Variants in GBP3 observed in about 807,000 individuals in gnomAD.
GBP3 encodes guanylate binding protein 3, also known as guanylate-binding protein 3.
A neutral mutation model predicts 62.4 loss-of-function variants in GBP3; 55 were observed. The ratio of observed to expected loss-of-function variants is 0.88; its 90% CI spans 0.71 to 1.10. GBP3 has a LOEUF of 1.10. Ranked by LOEUF, GBP3 falls within the 50% of genes least tolerant of loss-of-function variation. The pLI, the probability that GBP3 is intolerant of heterozygous loss-of-function variation, is 0.00. For missense variants in GBP3, 605 were observed against 690.6 expected, an observed-to-expected ratio of 0.88 and a Z score of 1.39; for synonymous variants, 208 against 259.2, an observed-to-expected ratio of 0.80 and a Z score of 1.90.
chr1:89,013,852 G>C (rs1159950129), intron 5 of GBP3: 1 of 507,976 alleles, frequency 2.0e-6, no homozygotes, highest in Admixed American at 3.7e-5. Context: ...GAACACAGGA[G>C]AATATAATTT....
rs370637517 is a variant in GBP3, at chr1:89,010,706, C to T, written c.1362+198G>A. Among the ~76,000 whole-genome samples, 186 of 139,070 alleles carry T rather than the reference C, an allele frequency of 1.3e-3. 39 individuals are homozygous for T. The highest frequency in any genetic ancestry group is 0.011 in the Middle Eastern group (3 of 264). The allele number at this position is 139,070 out of a possible 152,430, so 91.2% of individuals were successfully genotyped here. On this transcript the variant is annotated intron_variant, in intron 8 of 10. Transcript: ENST00000370481. ...GATTACAGGCTTGAGCCACCGCACC[C>T]GCCGACTGCACTCTCTTTGATGAGC...
At chr1:89,016,412 G>A (rs937408525) in intron 2 of GBP3, among the ~76,000 whole-genome samples, 4 of 151,964 alleles carry the variant, frequency 2.6e-5, no homozygotes, top group Non-Finnish European at 2.9e-5. Flanking sequence ...CCAGCTACTC[G>A]GGTGGCTGAG....
In GBP3 at chr1:89,014,322, C is replaced by T. The variant is rs751550337; in HGVS notation, c.429-43G>A. The T allele has an allele frequency of 3.1e-6, 5 of 1,613,618 alleles. No individual in the cohort carries two copies. In the Admixed American group the frequency reaches 8.3e-5, roughly 27 times the overall value. On this transcript the variant is annotated intron_variant, in intron 4 of 10. Transcript: ENST00000370481. ...GAAATGTGACAAAATGAACAGGAACCTCATCCCATATTAGTTCAACACATT... is the reference window on the plus strand; with the variant it reads ...GAAATGTGACAAAATGAACAGGAACTTCATCCCATATTAGTTCAACACATT...
At chr1:89,014,048 G>C in intron 5 of GBP3, 35 bp downstream of exon 5, 2 of 1,593,632 alleles carry the variant, frequency 1.3e-6, no homozygotes, top group Non-Finnish European at 1.7e-6. Context: ...CTAGTGTTTT[G>C]TCGTCCTCAT....
chr1:89,015,566 A>G, intron 2 of GBP3, 152 bp from the exon 3 acceptor site: 1 of 559,278 alleles, frequency 1.8e-6, no homozygotes, highest in Non-Finnish European at 2.9e-6. Context: ...AAATAGAAAA[A>G]TTTGAATATC....
intron 2 of GBP3, among the ~76,000 whole-genome samples, chr1:89,018,063 A>C (rs1678982974): frequency 6.6e-6 from 1 of 150,908 alleles, no homozygotes; most frequent in African/African-American, 2.5e-5. Context: ...TGGGTGACAG[A>C]GTGAGACTGT....
In GBP3 at chr1:89,010,970, A is replaced by G; in HGVS notation, c.1296T>C (p.Cys432=). Residue 432 remains cysteine (C), a synonymous_variant, in exon 8 of 11, where the codon TGT becomes TGC. Transcript: ENST00000370481. ...AGIYSKPGGY[C]LFIQKLQDLE... ...GGTCTTGTAGCTTCTGAATAAAGAG[A>G]CAATAGCCCCCTGGTTTCGAATAAA... The G allele has an allele frequency of 1.4e-6, 2 of 1,461,564 alleles. 1 individual carries two copies. The highest frequency in any genetic ancestry group is 2.7e-5 in the African/African-American group (2 of 73,762). The allele number at this position is 1,461,564 out of a possible 1,614,324, so 90.5% of individuals were successfully genotyped here.
chr1:89,016,673 C>G (rs867845837), intron 2 of GBP3, among the ~76,000 whole-genome samples: 1 of 152,092 alleles, frequency 6.6e-6, no homozygotes, highest in Non-Finnish European at 1.5e-5. Flanking sequence ...CTCCCAGGCT[C>G]AAGCAATACT....
Position 89,020,635 on chromosome 1 carries a change from T to A in GBP3, c.87A>T (p.Lys29Asn). The A allele has an allele frequency of 6.2e-7, 1 of 1,614,164 alleles. No homozygotes were observed. Among genetic ancestry groups the A allele is most frequent in the Non-Finnish European group, 8.5e-7 (1 of 1,180,022 alleles). ...GELVANPEAL[K>N]ILSAITQPVV... ...CAGGCTGTGTAATGGCAGACAGGATTTTCAGAGCTTCTGGATTCGCCACCA... is the reference window on the plus strand; with the variant it reads ...CAGGCTGTGTAATGGCAGACAGGATATTCAGAGCTTCTGGATTCGCCACCA... Residue 29 changes from lysine to asparagine, a missense_variant, in exon 2 of 11, where the codon AAA becomes AAT. By Grantham distance (94) the Lys-to-Asn change is moderately conservative (BLOSUM62 0). Coordinates refer to ENST00000370481, the MANE Select transcript of GBP3 (RefSeq NM_018284.3).
In GBP3 at chr1:89,008,929, G is replaced by C; in HGVS notation, c.1659+18C>G. 6.2e-7 allele frequency: 1 copy of C among 1,613,870 alleles called. No homozygotes were observed. Among genetic ancestry groups the C allele is most frequent in the Non-Finnish European group, 8.5e-7 (1 of 1,179,806 alleles). On this transcript the variant is annotated intron_variant, in intron 10 of 10. Transcript: ENST00000370481. ...GAGAAAACAGAAAAACGAACCACAA[G>C]GTGATGCATTTGGATACCTGAAGTT...
At chr1:89,008,707 C>T in intron 10 of GBP3, 1 of 640,586 alleles carries the variant, frequency 1.6e-6, no homozygotes, top group South Asian at 2.1e-5. Flanking sequence ...TAGCATATGA[C>T]AGCCGTAAGT....
In GBP3 at chr1:89,021,841, G is replaced by GA. The variant is rs1557735074; in HGVS notation, c.-23+842_-23+843insT. Among the ~76,000 whole-genome samples the GA allele has an allele frequency of 1.1e-3, 148 of 140,660 alleles. 1 individual carries two copies. The highest frequency in any genetic ancestry group is 1.5e-3 in the Admixed American group (21 of 13,652). The allele number at this position is 140,660 out of a possible 152,430, so 92.3% of individuals were successfully genotyped here. A position where few individuals can be genotyped will look rare whatever the true frequency, so the allele number is the denominator to read the frequency against. ...AGAGAGAGAGAGAGAGAAAGTGCCA[G>GA]CAAGGGAGATGTCAGACAAGGTGAT... On this transcript the variant is annotated intron_variant, in intron 1 of 10. Coordinates refer to ENST00000370481, the MANE Select transcript of GBP3 (RefSeq NM_018284.3).
At chr1:89,021,685 G>C (rs1017614708) in intron 1 of GBP3, among the ~76,000 whole-genome samples, 1 of 151,706 alleles carries the variant, frequency 6.6e-6, no homozygotes, top group Non-Finnish European at 1.5e-5. Context: ...ACAGCTTTAG[G>C]TTTTCTGTTT....
At chr1:89,011,658 AT>A (rs1678573985) in intron 7 of GBP3, 88 bp downstream of exon 7, 2 of 1,340,794 alleles carry the variant, frequency 1.5e-6, no homozygotes, top group Non-Finnish European at 2.1e-6. Context: ...TAGAATAATT[AT>A]TTGTCTCAAA....
rs149059831 is a variant in GBP3 at position 89,017,545 on chromosome 1, G to A, written c.191-2131C>T. 2.6e-5 allele frequency among the ~76,000 whole-genome samples: 4 copies of A among 152,286 alleles called. No individual in the cohort carries two copies. In the East Asian group the frequency reaches 7.7e-4, roughly 29 times the overall value. The stretch of plus-strand genomic sequence containing the variant: ...GAATAAAAAGGCAACACATGGAATG[G>A]AAGAAAACATTTGCTAAACGTGTAT... On this transcript the variant is annotated intron_variant, in intron 2 of 10. Coordinates refer to ENST00000370481, the MANE Select transcript of GBP3 (RefSeq NM_018284.3).
chr1:89,020,277 A>G, intron 2 of GBP3: 1 of 538,752 alleles, frequency 1.9e-6, no homozygotes, highest in Non-Finnish European at 3.4e-6. Context: ...CAGTAGTGAG[A>G]AGGGTGAGGA....
Position 89,007,701 on chromosome 1 carries a change from G to T in GBP3, c.*23C>A. ...ATTGTTTCAGTTATGCCTTGGGTTA[G>T]GATGACAGAAAAGCTCTGTTGTTTA... On this transcript the variant is annotated 3_prime_UTR_variant, in exon 11 of 11. Coordinates refer to ENST00000370481, the MANE Select transcript of GBP3 (RefSeq NM_018284.3). 1 of 1,601,058 alleles carries T rather than the reference G, an allele frequency of 6.2e-7. No individual in the cohort carries two copies. The highest frequency in any genetic ancestry group is 1.1e-5 in the South Asian group (1 of 87,804).
At position 89,009,156 on chromosome 1, in the gene GBP3, A is replaced by G; in HGVS notation, c.1466-16T>C. 1 of 1,611,980 alleles carries G rather than the reference A, an allele frequency of 6.2e-7. No individual in the cohort carries two copies. Among genetic ancestry groups the G allele is most frequent in the Non-Finnish European group, 8.5e-7 (1 of 1,178,650 alleles). Reference sequence around the variant, plus strand: ...ACACATTCCACTGTGGAGGAAGAAGAAACATTTGTGTGGAGTTATCTTGTT... The same window carrying G: ...ACACATTCCACTGTGGAGGAAGAAGGAACATTTGTGTGGAGTTATCTTGTT... On this transcript the variant is annotated splice_polypyrimidine_tract_variant and intron_variant, in intron 9 of 10. Coordinates refer to ENST00000370481, the MANE Select transcript of GBP3 (RefSeq NM_018284.3).
chr1:89,008,099 CCTA>C lies in GBP3; in HGVS notation c.1660-250_1660-248del, dbSNP rs1570882605. On this transcript the variant is annotated intron_variant, in intron 10 of 10. Coordinates refer to ENST00000370481, the MANE Select transcript of GBP3 (RefSeq NM_018284.3). Reference sequence around the variant, plus strand: ...TTGATGAAGGTCTTGCTTTTTTCCCCCTATTAATTATACAAAACCTTTGTGGGA... The same window carrying C: ...TTGATGAAGGTCTTGCTTTTTTCCCCTTAATTATACAAAACCTTTGTGGGA... Among the ~76,000 whole-genome samples the C allele has an allele frequency of 2.6e-5, 4 of 151,998 alleles. No individual in the cohort carries two copies. In the East Asian group the frequency reaches 5.8e-4, roughly 22 times the overall value.
Sources: allele counts gnomAD v4.1 joint callset (sites outside exome capture counted in the v4.1 genomes callset), GRCh38; gene constraint gnomAD v4.1.1; transcripts MANE v1.5; gene names NCBI Gene and HGNC (gene_info 2026-07-23, HGNC 2026-07-21).